Variants in NXPE2 observed in about 807,000 individuals in gnomAD.
The protein encoded by NXPE2 is neurexophilin and PC-esterase domain family member 2.
A neutral mutation model predicts 34.4 loss-of-function variants in NXPE2; 34 were observed. The observed-to-expected ratio is 0.99, with a 90% CI of 0.75 to 1.31. NXPE2 has a LOEUF of 1.31. NXPE2 is among the 40% of genes most tolerant of loss of function. The probability of loss-of-function intolerance (pLI) is 0.00; values close to 1 mark genes in which losing one functional copy is unlikely to be tolerated. For synonymous variants in NXPE2, 235 were observed against 231.3 expected (o/e 1.02, Z -0.15); for missense variants, 649 against 672.5 (o/e 0.97, Z 0.39).
chr11:114,575,235 A>C, the NXPE2 span, among the ~76,000 whole-genome samples: 1 of 152,156 alleles, frequency 6.6e-6, no homozygotes, highest in Non-Finnish European at 1.5e-5. Flanking sequence ...AGCCAACATA[A>C]TACTGAATGG....
the NXPE2 span, among the ~76,000 whole-genome samples, chr11:114,535,156 C>A: frequency 6.6e-6 from 1 of 152,128 alleles, no homozygotes; most frequent in Non-Finnish European, 1.5e-5. Context: ...AACTTTCAAC[C>A]CAGAATTTCA....
At chr11:114,493,841 T>C in the NXPE2 span, among the ~76,000 whole-genome samples, 1 of 152,124 alleles carries the variant, frequency 6.6e-6, no homozygotes, top group Non-Finnish European at 1.5e-5. Context: ...TTTACCCCCT[T>C]TTTTTTCCAG....
chr11:114,660,946 A>G, the NXPE2 span, among the ~76,000 whole-genome samples: 1 of 152,180 alleles, frequency 6.6e-6, no homozygotes, highest in Non-Finnish European at 1.5e-5. Flanking sequence ...CCCTTAATAT[A>G]AAGTTTTATT....
At chr11:114,480,569 G>T in the NXPE2 span, among the ~76,000 whole-genome samples, 1 of 152,202 alleles carries the variant, frequency 6.6e-6, no homozygotes, top group South Asian at 2.1e-4. Context: ...ATGACACTGT[G>T]TGAGAGGTGA....
At chr11:114,589,152 C>T in the NXPE2 span, among the ~76,000 whole-genome samples, 5 of 152,078 alleles carry the variant, frequency 3.3e-5, no homozygotes, top group African/African-American at 1.2e-4. Flanking sequence ...GAAGCCACCT[C>T]GACCCTCTCT....
the NXPE2 span, among the ~76,000 whole-genome samples, chr11:114,639,230 G>C: frequency 6.6e-6 from 1 of 151,266 alleles, no homozygotes; most frequent in East Asian, 1.9e-4. Context: ...ACTGCTGTGC[G>C]AGCAATCAGC....
chr11:114,625,147 G>A, the NXPE2 span, among the ~76,000 whole-genome samples: 2 of 152,148 alleles, frequency 1.3e-5, no homozygotes, highest in African/African-American at 2.4e-5. Flanking sequence ...TGGATAATAA[G>A]TATTGCCTTG....
the NXPE2 span, among the ~76,000 whole-genome samples, chr11:114,754,423 C>T: frequency 6.6e-6 from 1 of 152,292 alleles, no homozygotes; most frequent in East Asian, 1.9e-4. Flanking sequence ...AGCACCAGGT[C>T]ACAATTTTAG....
At chr11:114,635,838 T>G in the NXPE2 span, among the ~76,000 whole-genome samples, 1 of 152,102 alleles carries the variant, frequency 6.6e-6, no homozygotes, top group South Asian at 2.1e-4. Context: ...GTGGATAAGC[T>G]TTTTGATGTG....
intron 2 of NXPE2, among the ~76,000 whole-genome samples, chr11:114,695,541 T>C (rs537191584): frequency 6.6e-6 from 1 of 152,208 alleles, no homozygotes; most frequent in African/African-American, 2.4e-5. Flanking sequence ...GTTCTCCTTG[T>C]TAAGGAGAAC....
chr11:114,787,699 A>G, the NXPE2 span, among the ~76,000 whole-genome samples: 1 of 152,166 alleles, frequency 6.6e-6, no homozygotes, highest in Non-Finnish European at 1.5e-5. Flanking sequence ...GGAAATACAG[A>G]TGCTACTATG....
At chr11:114,633,488 G>C in the NXPE2 span, among the ~76,000 whole-genome samples, 13,867 of 149,400 alleles carry the variant, frequency 0.093, 816 homozygotes, top group Middle Eastern at 0.2. Context: ...TATACTTCAA[G>C]TTTTAGGGTA....
chr11:114,522,688 A>C, the NXPE2 span, among the ~76,000 whole-genome samples: 1 of 152,220 alleles, frequency 6.6e-6, no homozygotes, highest in Non-Finnish European at 1.5e-5. Context: ...TAAAGTTTTC[A>C]CTGGAATTTT....
At chr11:114,568,486 T>A in the NXPE2 span, among the ~76,000 whole-genome samples, 12 of 143,634 alleles carry the variant, frequency 8.4e-5, no homozygotes, top group African/African-American at 3.0e-4. Context: ...TCCCTTTATT[T>A]CCCCCTCTCT....
chr11:114,794,970 C>T, the NXPE2 span, among the ~76,000 whole-genome samples: 2 of 151,446 alleles, frequency 1.3e-5, no homozygotes, highest in Non-Finnish European at 2.9e-5. Flanking sequence ...TCAGAGAAAG[C>T]TCAATGGGAA....
chr11:114,650,416 G>A, the NXPE2 span, among the ~76,000 whole-genome samples: 3 of 152,210 alleles, frequency 2.0e-5, no homozygotes, highest in South Asian at 2.1e-4. Context: ...GAAAGACTCA[G>A]AGAAGACCAG....
chr11:114,807,350 T>G, the NXPE2 span, among the ~76,000 whole-genome samples: 2 of 152,134 alleles, frequency 1.3e-5, no homozygotes, highest in Admixed American at 6.5e-5. Flanking sequence ...AATATTAACT[T>G]TAAATGTAAA....
At chr11:114,811,346 T>TA in the NXPE2 span, among the ~76,000 whole-genome samples, 104,391 of 150,792 alleles carry the variant, frequency 0.69, 36,372 homozygotes, top group East Asian at 0.75. Context: ...AATAATAAAA[T>TA]AAAAAAAATG....
At chr11:114,472,413 C>A in the NXPE2 span, among the ~76,000 whole-genome samples, 90 of 152,144 alleles carry the variant, frequency 5.9e-4, 2 homozygotes, top group South Asian at 0.018. Flanking sequence ...ACAAAAAAAT[C>A]TTATAATGTT....
Sources: allele counts gnomAD v4.1 joint callset (sites outside exome capture counted in the v4.1 genomes callset), GRCh38; gene constraint gnomAD v4.1.1; transcripts MANE v1.5; gene names NCBI Gene and HGNC (gene_info 2026-07-23, HGNC 2026-07-21).